SUN1: variants seen among roughly 807,000 people sequenced by gnomAD.
SUN1 encodes Sad1 and UNC84 domain containing 1.
SUN1 carries 61 observed loss-of-function variants against 103.2 expected under a neutral mutation model. The observed-to-expected ratio is 0.59, with a 90% CI of 0.48 to 0.73. SUN1 has a LOEUF of 0.73. SUN1 is among the 30% of genes least tolerant of loss of function. SUN1 has a pLI of 0.00. For missense variants in SUN1, 1,052 were observed against 1,034.6 expected, an observed-to-expected ratio of 1.02 and a Z score of -0.23; for synonymous variants, 490 against 425.7, an observed-to-expected ratio of 1.15 and a Z score of -1.86.
chr7:852,549 A>T, intron 7 of SUN1, 60 bp from the exon 8 acceptor site: 1 of 1,604,022 alleles, frequency 6.2e-7, no homozygotes, highest in Non-Finnish European at 8.5e-7. Flanking sequence ...GGGGGAAAAC[A>T]GATTGGTGAA....
chr7:870,281 A>G (rs1840558410), intron 17 of SUN1, among the ~76,000 whole-genome samples: 1 of 152,066 alleles, frequency 6.6e-6, no homozygotes. Context: ...GTATTTCATA[A>G]AAGTATTTTT....
rs780354568 is a variant in SUN1 at position 852,890 on chromosome 7, C to G, written c.991C>G (p.Arg331Gly). 1 of 1,613,964 alleles carries G rather than the reference C, an allele frequency of 6.2e-7. No homozygotes were observed. The highest frequency in any genetic ancestry group is 1.1e-5 in the South Asian group (1 of 91,078). Residue 331 changes from arginine (R) to glycine (G), a missense_variant, in exon 9 of 19, where the codon CGG (arginine) becomes GGG (glycine). Arg to Gly is a moderately radical substitution (Grantham distance 125). This residue lies in a region of SUN1 where 846 missense variants were observed against 774.5 expected (regional missense o/e 1.09). Coordinates refer to ENST00000401592, the MANE Select transcript of SUN1 (RefSeq NM_001130965.3). The stretch of plus-strand genomic sequence containing the variant: ...CTGGGCAAGCATGCATAGAACACAG[C>G]GGGTGGATGACCCCCAGGACGTGTT... ...LNWASMHRTQ[R>G]VDDPQDVFKP...
intron 17 of SUN1, 50 bp downstream of exon 17, chr7:869,566 C>G: frequency 6.3e-7 from 1 of 1,590,578 alleles, no homozygotes; most frequent in Non-Finnish European, 8.6e-7. Context: ...CTGGGAGTTC[C>G]CACAGATGAA....
chr7:843,441 G>A lies in SUN1; in HGVS notation c.579G>A (p.Glu193=), dbSNP rs1187432251. 6.2e-7 allele frequency: 1 copy of A among 1,614,048 alleles called. No homozygotes were observed. The highest frequency in any genetic ancestry group is 8.5e-7 in the Non-Finnish European group (1 of 1,180,036). The change falls in exon 5 of 19, where the codon GAG becomes GAA. Residue 193 remains glutamate (E), a synonymous_variant. Coordinates refer to ENST00000401592, the MANE Select transcript of SUN1 (RefSeq NM_001130965.3). ...GCAGCAACTGCAGCATGCTGTCCGA[G>A]CGCAAGGACGTGCTCACGGCGCACC... ...FSCSNCSMLS[E]RKDVLTAHPA...
intron 3 of SUN1, chr7:842,869 G>A: frequency 2.1e-6 from 1 of 466,590 alleles, no homozygotes; most frequent in Non-Finnish European, 3.9e-6. Context: ...GCAACAGAGA[G>A]GCATCTGCTG....
chr7:822,473 G>A (rs1160297332), intron 1 of SUN1, among the ~76,000 whole-genome samples: 1 of 152,208 alleles, frequency 6.6e-6, no homozygotes, highest in Non-Finnish European at 1.5e-5. Context: ...GGGTCCCTAC[G>A]GTGGGGAGAC....
intron 5 of SUN1, chr7:843,953 G>C: frequency 9.7e-7 from 1 of 1,033,898 alleles, no homozygotes; most frequent in Non-Finnish European, 1.2e-6. Flanking sequence ...GTGGTCGCTA[G>C]CCCTGTGCTT....
chr7:854,318 C>T (rs1825101105), intron 10 of SUN1, among the ~76,000 whole-genome samples: 1 of 152,232 alleles, frequency 6.6e-6, no homozygotes, highest in Non-Finnish European at 1.5e-5. Context: ...GTCAAACGCT[C>T]AGCCCCCGAG....
intron 1 of SUN1, among the ~76,000 whole-genome samples, chr7:818,189 C>T (rs1252911389): frequency 1.3e-5 from 2 of 152,300 alleles, no homozygotes; most frequent in East Asian, 3.9e-4. Flanking sequence ...GCAGCCACTG[C>T]CCATTCTTCC....
intron 9 of SUN1, 51 bp from the exon 10 acceptor site, chr7:853,358 G>C: frequency 4.4e-6 from 7 of 1,601,252 alleles, no homozygotes; most frequent in Non-Finnish European, 6.0e-6. Context: ...AACTGACTCT[G>C]TGCTCATGCT....
At chr7:850,041 C>G (rs1453298379) in intron 5 of SUN1, 3 of 1,565,942 alleles carry the variant, frequency 1.9e-6, no homozygotes, top group South Asian at 2.3e-5. Context: ...CAGGTTGTCT[C>G]TCGCCCCGTC....
upstream of SUN1, among the ~76,000 whole-genome samples, chr7:827,836 T>C (rs145389665): frequency 0.013 from 1,993 of 152,228 alleles, 23 homozygotes; most frequent in Non-Finnish European, 0.02. Context: ...TACCATATAA[T>C]ATAAATTATA....
chr7:827,530 C>T (rs552839073), upstream of SUN1, among the ~76,000 whole-genome samples: 15 of 143,594 alleles, frequency 1.0e-4, no homozygotes, highest in African/African-American at 2.1e-4. Context: ...GGTGCAGTGG[C>T]GCAATCTCGG....
chr7:863,640 G>T (rs904270088), intron 15 of SUN1, among the ~76,000 whole-genome samples: 4 of 152,176 alleles, frequency 2.6e-5, no homozygotes, highest in African/African-American at 9.7e-5. Flanking sequence ...ACCCTGTGCC[G>T]CAAGTAGCCA....
chr7:817,643 A>C (rs908636821), intron 1 of SUN1: 1 of 998,784 alleles, frequency 1.0e-6, no homozygotes, highest in Non-Finnish European at 1.4e-6. Flanking sequence ...TTGCGGCTCT[A>C]ATTGCTAAAG....
At chr7:819,685 GT>G (rs1784161086) in intron 1 of SUN1, among the ~76,000 whole-genome samples, 1 of 147,766 alleles carries the variant, frequency 6.8e-6, no homozygotes, top group Non-Finnish European at 1.5e-5. Flanking sequence ...CTGCAGGTCT[GT>G]ATGTTTTTAT....
At chr7:847,992 G>A (rs976608402) in intron 5 of SUN1, among the ~76,000 whole-genome samples, 3 of 148,388 alleles carry the variant, frequency 2.0e-5, no homozygotes, top group African/African-American at 5.0e-5. Context: ...GGGTTACTCC[G>A]CAGTCCAGTC....
chr7:853,544 G>C lies in SUN1; in HGVS notation c.1189G>C (p.Val397Leu). Residue 397 changes from valine to leucine, a missense_variant, in exon 10 of 19, where the codon GTG becomes CTG. By Grantham distance (32) the Val-to-Leu change is conservative. Around this residue, in one of 2 missense-constraint regions of SUN1, gnomAD observed 846 missense variants for 774.5 expected, o/e 1.09. Coordinates refer to ENST00000401592, the MANE Select transcript of SUN1 (RefSeq NM_001130965.3). The part of the protein sequence containing the change: ...TTLLQKLQAR[V>L]DQMEGGAAGP... ...TTTGCTACAGAAGCTGCAGGCTCGG[G>C]TGGACCAGATGGAAGGCGGCGCTGC... is the stretch of plus-strand genomic sequence containing the variant. The C allele has an allele frequency of 1.9e-6, 3 of 1,613,150 alleles. No individual in the cohort carries two copies. Among genetic ancestry groups the C allele is most frequent in the Non-Finnish European group, 2.5e-6 (3 of 1,180,024 alleles).
At chr7:832,108 C>T (rs1798541488), upstream of SUN1, 2 of 1,011,834 alleles carry the variant, frequency 2.0e-6, no homozygotes, top group Middle Eastern at 4.9e-4. Flanking sequence ...GCAGGTAGTT[C>T]TATTTTAGTT....
Sources: gnomAD v4.1 joint callset for allele counts (sites outside exome capture counted in the v4.1 genomes callset) on GRCh38, gnomAD v4.1.1 for gene constraint, gnomAD v4.1.1 regional missense constraint, MANE v1.5 for transcripts, NCBI Gene and HGNC (gene_info 2026-07-23, HGNC 2026-07-21) for gene names.